Variants in DENND2B observed in about 807,000 individuals in gnomAD.
The protein encoded by DENND2B is DENN domain-containing protein 2B.
In DENND2B, 32 loss-of-function variants were observed where a neutral mutation model predicts 116.0. That is an observed-to-expected ratio of 0.28 (90% CI 0.21 to 0.37). The LOEUF (loss-of-function observed/expected upper bound fraction) is 0.37. DENND2B is among the 10% of genes least tolerant of loss of function. The pLI, the probability that DENND2B is intolerant of heterozygous loss-of-function variation, is 1.00. For synonymous variants in DENND2B, 588 were observed against 583.9 expected (o/e 1.01, Z -0.10); for missense variants, 1,276 against 1,477.7 (o/e 0.86, Z 2.24).
intron 1 of DENND2B, among the ~76,000 whole-genome samples, chr11:8,890,132 G>T (rs1202924033): frequency 6.6e-6 from 1 of 152,168 alleles, no homozygotes; most frequent in African/African-American, 2.4e-5. Context: ...AGGCAAACAG[G>T]GTCTGGAGTG....
chr11:8,817,443 T>G lies in DENND2B; in HGVS notation c.-114-6108A>C, dbSNP rs574525620. ...GGAAGGCAGAGAAATACCCATTCTG[T>G]GGTCAAGTCCTAGTGTTTTATGATA... On this transcript the variant is annotated intron_variant, in intron 4 of 6. Transcript: ENST00000524757. Among the ~76,000 whole-genome samples the G allele has an allele frequency of 2.6e-5, 4 of 152,250 alleles. No homozygotes were observed. The East Asian group carries it at 7.7e-4, about 29-fold the overall frequency.
At chr11:8,858,089 A>G (rs1159389775) in intron 2 of DENND2B, among the ~76,000 whole-genome samples, 1 of 152,216 alleles carries the variant, frequency 6.6e-6, no homozygotes, top group African/African-American at 2.4e-5. Context: ...AGCCTTGGTA[A>G]TAAACATAAA....
intron 3 of DENND2B, among the ~76,000 whole-genome samples, chr11:8,852,132 A>G (rs990404833): frequency 3.9e-5 from 6 of 152,224 alleles, no homozygotes; most frequent in African/African-American, 1.4e-4. Context: ...TGAGGAGGGC[A>G]AGAGACTATC....
intron 2 of DENND2B, among the ~76,000 whole-genome samples, chr11:8,734,371 T>C (rs1592903567): frequency 6.6e-6 from 1 of 151,780 alleles, no homozygotes; most frequent in South Asian, 2.1e-4. Flanking sequence ...CAAGAGAGGG[T>C]AAGAACATCA....
chr11:8,727,885 A>T (rs986621939), intron 3 of DENND2B, among the ~76,000 whole-genome samples: 1 of 150,180 alleles, frequency 6.7e-6, no homozygotes, highest in African/African-American at 2.4e-5. Context: ...ATTAAAACTA[A>T]TAGTTTCTCC....
intron 1 of DENND2B, among the ~76,000 whole-genome samples, chr11:8,758,533 T>C (rs1253989475): frequency 3.3e-5 from 5 of 152,252 alleles, no homozygotes; most frequent in Non-Finnish European, 5.9e-5. Flanking sequence ...ACACTGGTGG[T>C]CTGCAGAAGC....
intron 4 of DENND2B, 31 bp from the exon 5 acceptor site, chr11:8,717,923 A>G (rs201544589): frequency 6.3e-7 from 1 of 1,595,082 alleles, no homozygotes; most frequent in Non-Finnish European, 8.6e-7. Flanking sequence ...GAGAAGGGGG[A>G]GAAGGGAAGA....
intron 4 of DENND2B, among the ~76,000 whole-genome samples, chr11:8,824,211 T>C (rs1180475236): frequency 6.6e-6 from 1 of 151,646 alleles, no homozygotes; most frequent in Non-Finnish European, 1.5e-5. Flanking sequence ...CTCTTTTTTT[T>C]TTTTTAAGTT....
intron 1 of DENND2B, among the ~76,000 whole-genome samples, chr11:8,795,589 T>C (rs2059747409): frequency 6.6e-6 from 1 of 152,172 alleles, no homozygotes; most frequent in Non-Finnish European, 1.5e-5. Context: ...GAGACTTCCC[T>C]TACTTTCTGC....
upstream of DENND2B, chr11:8,871,448 A>G (rs192707756): frequency 3.9e-5 from 6 of 152,328 alleles, no homozygotes; most frequent in African/African-American, 1.4e-4. Context: ...GATGGTTTCA[A>G]TCACTGGAGG....
At chr11:8,855,419 T>C (rs1158798825) in intron 3 of DENND2B, among the ~76,000 whole-genome samples, 1 of 150,782 alleles carries the variant, frequency 6.6e-6, no homozygotes, top group African/African-American at 2.4e-5. Flanking sequence ...TTTAGCCTGA[T>C]GGATCATGAT....
At chr11:8,861,843 A>G (rs1230886509) in intron 2 of DENND2B, among the ~76,000 whole-genome samples, 6 of 152,212 alleles carry the variant, frequency 3.9e-5, no homozygotes, top group African/African-American at 1.4e-4. Flanking sequence ...AATACTACTC[A>G]GCCATAAAAA....
chr11:8,829,058 T>TGTGTG (rs569451100), intron 4 of DENND2B, among the ~76,000 whole-genome samples: 31,345 of 149,096 alleles, frequency 0.21, 3,357 homozygotes, highest in East Asian at 0.34. Flanking sequence ...GTGTGTGGTG[T>TGTGTG]GTGTGGTGTG....
intron 1 of DENND2B, among the ~76,000 whole-genome samples, chr11:8,902,348 G>A (rs1441010009): frequency 6.6e-6 from 1 of 151,814 alleles, no homozygotes; most frequent in Non-Finnish European, 1.5e-5. Context: ...AAAAGAGTGA[G>A]GTGTTGAAGT....
chr11:8,825,892 A>G (rs2061960306), intron 4 of DENND2B, among the ~76,000 whole-genome samples: 1 of 152,188 alleles, frequency 6.6e-6, no homozygotes, highest in East Asian at 1.9e-4. Flanking sequence ...AATGAGATTC[A>G]TGTCCTACTC....
chr11:8,840,644 G>C (rs1421166990), intron 3 of DENND2B, among the ~76,000 whole-genome samples: 1 of 152,166 alleles, frequency 6.6e-6, no homozygotes, highest in Non-Finnish European at 1.5e-5. Flanking sequence ...CAAGATGAAA[G>C]TTTTTACCAT....
Position 8,730,621 on chromosome 11 carries a change from C to T in DENND2B, c.669G>A (p.Lys223=). ...PCSSEKTFDF[K]GLRRMSRTFS... is the part of the protein sequence containing the mutation. ...AGGTCCTGCTCATCCTCCGGAGGCCCTTGAAATCAAAGGTCTTTTCAGAGC... is the reference window on the plus strand; with the variant it reads ...AGGTCCTGCTCATCCTCCGGAGGCCTTTGAAATCAAAGGTCTTTTCAGAGC... Residue 223 remains lysine, a synonymous_variant, in exon 3 of 20, where the codon AAG becomes AAA. Transcript: ENST00000313726. This position sits in a 1 kb window ranked among gnomAD's most constrained non-coding sequence, Gnocchi z 4.1. 1 of 1,613,020 alleles carries T rather than the reference C, an allele frequency of 6.2e-7. No homozygotes were observed. Among genetic ancestry groups the T allele is most frequent in the East Asian group, 2.2e-5 (1 of 44,852 alleles).
rs1373980418 is a variant in DENND2B, at chr11:8,695,561, A to C, written c.3293-12T>G. 2.2e-5 allele frequency: 36 copies of C among 1,613,166 alleles called. No homozygotes were observed. The highest frequency in any genetic ancestry group is 2.9e-5 in the Non-Finnish European group (34 of 1,179,518). On this transcript the variant is annotated splice_polypyrimidine_tract_variant and intron_variant, in intron 18 of 19. Transcript: ENST00000313726. ...CTGCTCAAAAAGGCCTGGGTAAAAG[A>C]AACAGGCACAGGGAAGAGAACAGTC...
chr11:8,860,152 T>C (rs574528812), intron 2 of DENND2B, among the ~76,000 whole-genome samples: 2 of 152,278 alleles, frequency 1.3e-5, no homozygotes, highest in South Asian at 2.1e-4. Flanking sequence ...CTAGTTACTA[T>C]GAATATTTAT....
Sources: gnomAD v4.1 joint callset for allele counts (sites outside exome capture counted in the v4.1 genomes callset) on GRCh38, gnomAD v4.1.1 for gene constraint, Gnocchi (gnomAD v3.1) non-coding constraint, MANE v1.5 for transcripts, NCBI Gene and HGNC (gene_info 2026-07-23, HGNC 2026-07-21) for gene names.